P4HA1: variants seen among roughly 807,000 people sequenced by gnomAD.
The protein encoded by P4HA1 is prolyl 4-hydroxylase subunit alpha 1, also known as prolyl 4-hydroxylase subunit alpha-1.
P4HA1 carries 24 observed loss-of-function variants against 72.8 expected under a neutral mutation model. That is an observed-to-expected ratio of 0.33 (90% CI 0.24 to 0.46). P4HA1 has a LOEUF of 0.46. Among genes scored for constraint, P4HA1 ranks in the 20% least tolerant of loss-of-function variants. The probability of loss-of-function intolerance (pLI) is 1.00; values close to 1 mark genes in which losing one functional copy is unlikely to be tolerated. For synonymous variants in P4HA1, 201 were observed against 218.8 expected (o/e 0.92, Z 0.72); for missense variants, 446 against 640.6 (o/e 0.70, Z 3.28).
intron 9 of P4HA1, among the ~76,000 whole-genome samples, chr10:73,037,567 A>AT (rs1840624452): frequency 3.8e-4 from 11 of 28,998 alleles, no homozygotes; most frequent in Admixed American, 5.8e-4. Flanking sequence ...ATATATATAT[A>AT]TATATTTTTT....
At chr10:73,054,515 TTC>T (rs1385904327) in intron 5 of P4HA1, among the ~76,000 whole-genome samples, 1 of 152,194 alleles carries the variant, frequency 6.6e-6, no homozygotes, top group Non-Finnish European at 1.5e-5. Context: ...CTAATCTACT[TTC>T]TGTCTCTACA....
intron 6 of P4HA1, among the ~76,000 whole-genome samples, 154 bp from the exon 7 acceptor site, chr10:73,051,403 C>A (rs1841016142): frequency 1.3e-5 from 2 of 151,948 alleles, no homozygotes; most frequent in Admixed American, 1.3e-4. Context: ...ATTATTATAC[C>A]AAAATAATAG....
chr10:73,053,107 T>A (rs1841057154), intron 6 of P4HA1, among the ~76,000 whole-genome samples: 1 of 152,194 alleles, frequency 6.6e-6, no homozygotes, highest in Non-Finnish European at 1.5e-5. Context: ...TTAGCTTCAA[T>A]TTTGAAATTC....
At chr10:73,055,187 T>C (rs1841111915) in intron 5 of P4HA1, among the ~76,000 whole-genome samples, 2 of 152,318 alleles carry the variant, frequency 1.3e-5, no homozygotes, top group East Asian at 1.9e-4. Flanking sequence ...GAGCTATGAC[T>C]GCACCACTGC....
At chr10:73,096,117 G>C (rs1470956472) in intron 1 of P4HA1, among the ~76,000 whole-genome samples, 2 of 152,238 alleles carry the variant, frequency 1.3e-5, no homozygotes, top group Non-Finnish European at 2.9e-5. Flanking sequence ...GGTGACCTGA[G>C]AGCCTACTTC....
intron 12 of P4HA1, among the ~76,000 whole-genome samples, chr10:73,012,076 A>C (rs1839920510): frequency 6.6e-6 from 1 of 152,172 alleles, no homozygotes; most frequent in African/African-American, 2.4e-5. Context: ...AAAAATGATA[A>C]TCAATTAAAA....
chr10:73,091,951 GATT>G (rs1429415928), intron 1 of P4HA1, among the ~76,000 whole-genome samples: 1 of 152,100 alleles, frequency 6.6e-6, no homozygotes, highest in African/African-American at 2.4e-5. Flanking sequence ...CTAAAAAATG[GATT>G]ATTGCTCTGA....
At chr10:73,028,024 TGAATAC>T (rs1840332362) in intron 10 of P4HA1, among the ~76,000 whole-genome samples, 1 of 152,136 alleles carries the variant, frequency 6.6e-6, no homozygotes, top group Non-Finnish European at 1.5e-5. Flanking sequence ...TGTTGTTGGA[TGAATAC>T]TGAACAACAG....
chr10:73,051,855 A>C (rs1841028042), intron 6 of P4HA1, among the ~76,000 whole-genome samples: 1 of 152,222 alleles, frequency 6.6e-6, no homozygotes, highest in African/African-American at 2.4e-5. Flanking sequence ...AAAGGAACTA[A>C]GTTCAATTTG....
chr10:73,059,252 T>C (rs917501607), intron 5 of P4HA1, among the ~76,000 whole-genome samples: 1 of 151,266 alleles, frequency 6.6e-6, no homozygotes, highest in Non-Finnish European at 1.5e-5. Flanking sequence ...ACCTTATTAG[T>C]CTAGTTTGGA....
chr10:73,078,926 A>G (rs1024330308), intron 1 of P4HA1, among the ~76,000 whole-genome samples: 6 of 151,904 alleles, frequency 3.9e-5, no homozygotes, highest in Non-Finnish European at 7.4e-5. Context: ...ATTTTCTTTT[A>G]TATCTCTGTA....
At chr10:73,033,863 G>A (rs1213129725) in intron 9 of P4HA1, among the ~76,000 whole-genome samples, 1 of 152,104 alleles carries the variant, frequency 6.6e-6, no homozygotes, top group Non-Finnish European at 1.5e-5. Flanking sequence ...GCAACAAAAG[G>A]AATAAATAAA....
intron 5 of P4HA1, among the ~76,000 whole-genome samples, chr10:73,067,617 C>G (rs970784134): frequency 3.9e-5 from 6 of 152,192 alleles, no homozygotes; most frequent in African/African-American, 1.2e-4. Context: ...ATGATATGCT[C>G]TCTCCTTTTG....
chr10:73,075,938 T>C (rs1439294870), intron 1 of P4HA1, among the ~76,000 whole-genome samples: 2 of 152,010 alleles, frequency 1.3e-5, no homozygotes, highest in Non-Finnish European at 2.9e-5. Context: ...TTGGGGTCAA[T>C]AAAATGTTCT....
At chr10:73,067,148 C>T (rs898519729) in intron 5 of P4HA1, among the ~76,000 whole-genome samples, 1 of 152,164 alleles carries the variant, frequency 6.6e-6, no homozygotes, top group African/African-American at 2.4e-5. Context: ...GGATTACAGG[C>T]ATGAGCCACC....
At chr10:73,085,740 T>C (rs190513488) in intron 1 of P4HA1, among the ~76,000 whole-genome samples, 1 of 152,238 alleles carries the variant, frequency 6.6e-6, no homozygotes, top group East Asian at 1.9e-4. Flanking sequence ...AAGAGGCAAG[T>C]ACATGAAAAG....
At chr10:73,058,378 A>G (rs756172821) in intron 5 of P4HA1, among the ~76,000 whole-genome samples, 50 of 152,114 alleles carry the variant, frequency 3.3e-4, no homozygotes, top group Admixed American at 5.9e-4. Flanking sequence ...AGGAACATGT[A>G]CCCACTATAA....
chr10:73,009,983 T>C, intron 13 of P4HA1, 80 bp from the exon 14 acceptor site: 1 of 792,710 alleles, frequency 1.3e-6, no homozygotes. Context: ...TTTTTTTTTT[T>C]TTTGAGACAG....
chr10:73,052,684 A>T (rs1841047777), intron 6 of P4HA1, among the ~76,000 whole-genome samples: 1 of 152,200 alleles, frequency 6.6e-6, no homozygotes, highest in Admixed American at 6.5e-5. Context: ...TAACATGCAC[A>T]TATTTTCCTA....
Sources: allele counts gnomAD v4.1 joint callset (sites outside exome capture counted in the v4.1 genomes callset), GRCh38; gene constraint gnomAD v4.1.1; transcripts MANE v1.5; gene names NCBI Gene and HGNC (gene_info 2026-07-23, HGNC 2026-07-21).